Variants in FZD3 observed in about 807,000 individuals in gnomAD.
FZD3 encodes the protein frizzled class receptor 3, also known as frizzled-3.
In FZD3, 30 loss-of-function variants were observed where a neutral mutation model predicts 60.7. The observed-to-expected ratio is 0.49, with a 90% confidence interval of 0.37 to 0.67. The LOEUF (loss-of-function observed/expected upper bound fraction) is 0.67, where lower values mean the gene tolerates loss of function less well. Ranked by LOEUF, FZD3 falls within the 30% of genes least tolerant of loss-of-function variation. The pLI, the probability that FZD3 is intolerant of heterozygous loss-of-function variation, is 0.00. For synonymous variants in FZD3, 246 were observed against 275.2 expected, an observed-to-expected ratio of 0.89 and a Z score of 1.05; for missense variants, 605 against 838.7, an observed-to-expected ratio of 0.72 and a Z score of 3.44.
intron 4 of FZD3, among the ~76,000 whole-genome samples, chr8:28,521,529 A>T (rs1019809557): frequency 2.0e-5 from 3 of 151,956 alleles, no homozygotes; most frequent in Non-Finnish European, 4.4e-5. Context: ...TTGGCTTCAG[A>T]TTTTTTTTAA....
chr8:28,519,099 T>G (rs999789426), intron 3 of FZD3, among the ~76,000 whole-genome samples: 4 of 152,208 alleles, frequency 2.6e-5, no homozygotes, highest in Admixed American at 6.5e-5. Context: ...AAGTGACTCT[T>G]GATTTTCTAA....
At chr8:28,535,707 T>G (rs1439212875) in intron 5 of FZD3, among the ~76,000 whole-genome samples, 1 of 152,238 alleles carries the variant, frequency 6.6e-6, no homozygotes, top group African/African-American at 2.4e-5. Flanking sequence ...CAGAGTAATA[T>G]TTCACAATTT....
rs1805528174 is a variant in FZD3, at chr8:28,557,275, G to A, written c.1787+1304G>A. Among the ~76,000 whole-genome samples the A allele has an allele frequency of 1.3e-5, 2 of 151,234 alleles. 1 individual carries two copies. Among genetic ancestry groups the A allele is most frequent in the South Asian group, 4.2e-4 (2 of 4,798 alleles). ...TAAGAAATTAATATTAGCAGCTGGA[G>A]AAAAGGAATGTGCTAAATATTTTTT... On this transcript the variant is annotated intron_variant, in intron 7 of 7. Coordinates refer to ENST00000240093, the MANE Select transcript of FZD3 (RefSeq NM_017412.4).
chr8:28,516,710 G>A (rs902005795), intron 3 of FZD3, among the ~76,000 whole-genome samples: 13 of 151,366 alleles, frequency 8.6e-5, no homozygotes, highest in African/African-American at 2.7e-4. Context: ...GATCTACTTG[G>A]GTTTATATCT....
chr8:28,553,980 G>A (rs1243400401), intron 6 of FZD3, among the ~76,000 whole-genome samples: 4 of 152,196 alleles, frequency 2.6e-5, no homozygotes, highest in Non-Finnish European at 4.4e-5. Flanking sequence ...TTCATAACAA[G>A]TGATTGCTAA....
intron 3 of FZD3, among the ~76,000 whole-genome samples, chr8:28,514,490 A>G (rs555103808): frequency 6.6e-5 from 10 of 152,334 alleles, no homozygotes; most frequent in Non-Finnish European, 1.0e-4. Flanking sequence ...GTCAAGATAC[A>G]GAGCATTTCC....
intron 4 of FZD3, among the ~76,000 whole-genome samples, chr8:28,522,227 C>T (rs1224219289): frequency 6.7e-6 from 1 of 150,350 alleles, no homozygotes; most frequent in Non-Finnish European, 1.5e-5. Context: ...GCCTTAGCCT[C>T]ATGGATACCA....
chr8:28,509,672 T>C (rs1211623721), intron 3 of FZD3, among the ~76,000 whole-genome samples: 2 of 152,224 alleles, frequency 1.3e-5, no homozygotes, highest in Non-Finnish European at 2.9e-5. Flanking sequence ...ATGTATTTCG[T>C]ATAAGAGGAA....
chr8:28,494,536 CCGGACTGTGG>C, intron 1 of FZD3, among the ~76,000 whole-genome samples, 193 bp downstream of exon 1: 1 of 152,044 alleles, frequency 6.6e-6, no homozygotes, highest in East Asian at 1.9e-4. Context: ...GCCTTGGGCG[CCGGACTGTGG>C]CGGGCTGCGG....
intron 5 of FZD3, among the ~76,000 whole-genome samples, chr8:28,535,129 A>G (rs1052528668): frequency 5.3e-5 from 8 of 152,238 alleles, no homozygotes; most frequent in Non-Finnish European, 1.2e-4. Flanking sequence ...GTTTAGTGCA[A>G]ATTGCATGAA....
chr8:28,539,138 C>G (rs533891435), intron 5 of FZD3, among the ~76,000 whole-genome samples: 61 of 152,278 alleles, frequency 4.0e-4, no homozygotes, highest in South Asian at 8.3e-4. Flanking sequence ...TAGGTCCACA[C>G]AGCAGGAAGT....
chr8:28,538,292 G>A (rs768083978), intron 5 of FZD3, among the ~76,000 whole-genome samples: 5 of 151,966 alleles, frequency 3.3e-5, no homozygotes, highest in Non-Finnish European at 5.9e-5. Context: ...AATAATTTTA[G>A]TATTTTATGA....
chr8:28,525,080 G>A (rs188160331), intron 4 of FZD3, among the ~76,000 whole-genome samples: 259 of 152,244 alleles, frequency 1.7e-3, no homozygotes, highest in Admixed American at 3.6e-3. Flanking sequence ...CCCCGCTCAA[G>A]TCTGTCTTTT....
rs1437033922 is a variant in FZD3 at position 28,528,032 on chromosome 8, C to T, written c.1272C>T (p.Phe424=). Residue 424 remains phenylalanine, a synonymous_variant, in exon 5 of 8, where the codon TTC becomes TTT. Coordinates refer to ENST00000240093, the MANE Select transcript of FZD3 (RefSeq NM_017412.4). The part of the protein sequence containing the change: ...LVKFMIRIGV[F]SILYLVPLLV... ...AGTTTATGATCCGGATCGGTGTTTT[C>T]AGCATTCTTTATCTCGTACCACTCT... is the stretch of plus-strand genomic sequence containing the variant. 10 of 1,613,882 alleles carry T rather than the reference C, an allele frequency of 6.2e-6. No individual in the cohort carries two copies. The Admixed American group carries it at 1.3e-4, about 22-fold the overall frequency.
At chr8:28,544,629 C>T (rs554334067) in intron 5 of FZD3, among the ~76,000 whole-genome samples, 9 of 152,036 alleles carry the variant, frequency 5.9e-5, no homozygotes, top group East Asian at 1.9e-4. Context: ...TGATTATGCA[C>T]GTATAGTCTT....
intron 7 of FZD3, among the ~76,000 whole-genome samples, chr8:28,559,200 A>G (rs901698008): frequency 6.6e-6 from 1 of 152,214 alleles, no homozygotes; most frequent in African/African-American, 2.4e-5. Flanking sequence ...AAAGTTTACA[A>G]TCATCAATAT....
intron 5 of FZD3, among the ~76,000 whole-genome samples, chr8:28,542,728 C>T (rs1002207270): frequency 6.6e-6 from 1 of 152,196 alleles, no homozygotes; most frequent in East Asian, 1.9e-4. Context: ...TGTTTTAGTT[C>T]TTATTGCTAC....
In FZD3 at chr8:28,563,040, G is replaced by A. The variant is rs375132117; in HGVS notation, c.*29G>A. 1 of 1,512,724 alleles carries A rather than the reference G, an allele frequency of 6.6e-7. No individual in the cohort carries two copies. The highest frequency in any genetic ancestry group is 1.4e-5 in the African/African-American group (1 of 73,128). The allele number at this position is 1,512,724 out of a possible 1,614,324, so 93.7% of individuals were successfully genotyped here. On this transcript the variant is annotated 3_prime_UTR_variant, in exon 8 of 8. Coordinates refer to ENST00000240093, the MANE Select transcript of FZD3 (RefSeq NM_017412.4). The stretch of plus-strand genomic sequence containing the variant: ...GTCTTGTCTAAGGTGGAAATCTTGT[G>A]CTGTTTAAAAAGCAGATTTTATTCT...
Position 28,566,333 on chromosome 8 carries a change from C to G in FZD3, c.*3322C>G, listed in dbSNP as rs1017734143. The stretch of plus-strand genomic sequence containing the variant: ...ATATATGTACAGACATGTACCAATC[C>G]TTTTAATTAATTTTAGAAGATGAAC... On this transcript the variant is annotated 3_prime_UTR_variant, in exon 8 of 8. Coordinates refer to ENST00000240093, the MANE Select transcript of FZD3 (RefSeq NM_017412.4). 1 of 152,092 alleles carries G rather than the reference C, an allele frequency of 6.6e-6. No individual in the cohort carries two copies. Among genetic ancestry groups the G allele is most frequent in the Non-Finnish European group, 1.5e-5 (1 of 67,994 alleles). 9.4% of individuals were successfully genotyped at this position (152,092 alleles called of 1,614,324 possible). A position where few individuals can be genotyped will look rare whatever the true frequency, so the allele number is the denominator to read the frequency against.
Sources: gnomAD v4.1 joint callset for allele counts (sites outside exome capture counted in the v4.1 genomes callset) on GRCh38, gnomAD v4.1.1 for gene constraint, MANE v1.5 for transcripts, NCBI Gene and HGNC (gene_info 2026-07-23, HGNC 2026-07-21) for gene names.